The following H2BC5 variants were observed in gnomAD, a reference collection of about 807,000 sequenced individuals.
H2BC5 encodes histone H2B type 1-D.
A neutral mutation model predicts 5.7 loss-of-function variants in H2BC5; 9 were observed. The observed-to-expected ratio is 1.57, with a 90% CI of 0.95 to 2.74. H2BC5 has a LOEUF of 2.74. Among genes scored for constraint, H2BC5 ranks in the 30% most tolerant of loss-of-function variants. H2BC5 has a pLI of 0.00. For missense variants in H2BC5, 175 were observed against 168.8 expected, an observed-to-expected ratio of 1.04 and a Z score of -0.20; for synonymous variants, 133 against 70.9, an observed-to-expected ratio of 1.88 and a Z score of -4.40.
chr6:26,160,748 A>C (rs1270940548), downstream of H2BC5: 1 of 151,912 alleles, frequency 6.6e-6, no homozygotes, highest in Non-Finnish European at 1.5e-5. Context: ...GTGCGCCTTT[A>C]ATCCCAGCTA....
downstream of H2BC5, among the ~76,000 whole-genome samples, chr6:26,159,245 T>TG (rs1244854663): frequency 6.1e-5 from 3 of 48,928 alleles, no homozygotes; most frequent in Admixed American, 7.6e-4. Flanking sequence ...ATTTATAGGT[T>TG]TTTTTTTTTT....
At chr6:26,158,662 T>C (rs1764285259), downstream of H2BC5, 1 of 1,472,618 alleles carries the variant, frequency 6.8e-7, no homozygotes, top group African/African-American at 1.4e-5. Flanking sequence ...TTATTGGACT[T>C]AGCACCACAG....
chr6:26,163,437 C>T (rs1764378508), downstream of H2BC5: 2 of 152,094 alleles, frequency 1.3e-5, no homozygotes, highest in African/African-American at 4.8e-5. Flanking sequence ...GTCGGGAATC[C>T]AGAAGTGATT....
chr6:26,167,145 C>T (rs1241351083), intron 1 of H2BC5, among the ~76,000 whole-genome samples: 4 of 143,456 alleles, frequency 2.8e-5, no homozygotes, highest in South Asian at 2.2e-4. Flanking sequence ...AATTTAGGAC[C>T]GATGTATCTG....
Position 26,158,196 on chromosome 6 carries a change from TG to T in H2BC5, c.28del (p.Ala10ProfsTer10). 6.2e-7 allele frequency: 1 copy of T among 1,614,210 alleles called. No homozygotes were observed. Among genetic ancestry groups the T allele is most frequent in the Non-Finnish European group, 8.5e-7 (1 of 1,180,018 alleles). ...TGCCTGAACCTACCAAGTCTGCTCCTGCCCCAAAGAAGGGCTCCAAGAAGGC... is the reference window on the plus strand; with the variant it reads ...TGCCTGAACCTACCAAGTCTGCTCCTCCCCAAAGAAGGGCTCCAAGAAGGC... MPEPTKSAP[A>X]PKKGSKKAVT... On this transcript the variant is annotated frameshift_variant, in exon 1 of 1. Transcript: ENST00000377777. LOFTEE classifies it high-confidence loss of function.
exon 2 of H2BC5, chr6:26,171,242 T>A (rs987508634): frequency 6.6e-6 from 1 of 152,214 alleles, no homozygotes; most frequent in Non-Finnish European, 1.5e-5. Flanking sequence ...TTACTGGGAA[T>A]TCATTACTTG....
At chr6:26,168,584 A>C (rs1236486588) in intron 1 of H2BC5, among the ~76,000 whole-genome samples, 1 of 152,186 alleles carries the variant, frequency 6.6e-6, no homozygotes, top group African/African-American at 2.4e-5. Flanking sequence ...TGGATGTAAA[A>C]AGCATTTGTG....
downstream of H2BC5, among the ~76,000 whole-genome samples, chr6:26,162,281 T>G (rs928668891): frequency 6.6e-6 from 1 of 152,198 alleles, no homozygotes; most frequent in Non-Finnish European, 1.5e-5. Context: ...TGACTTGATT[T>G]TAATTGCATA....
downstream of H2BC5, among the ~76,000 whole-genome samples, chr6:26,160,147 C>G (rs1291993626): frequency 6.6e-6 from 1 of 152,210 alleles, no homozygotes; most frequent in East Asian, 1.9e-4. Flanking sequence ...TACAAGCCAT[C>G]GATGCTTACT....
At chr6:26,159,260 T>G (rs201922090), downstream of H2BC5, among the ~76,000 whole-genome samples, 14 of 142,252 alleles carry the variant, frequency 9.8e-5, no homozygotes, top group Admixed American at 2.8e-4. Flanking sequence ...TTTTTTTTTT[T>G]TTTTTTTTTT....
chr6:26,161,401 T>G (rs1475357395), downstream of H2BC5, among the ~76,000 whole-genome samples: 1 of 152,118 alleles, frequency 6.6e-6, no homozygotes, highest in East Asian at 1.9e-4. Flanking sequence ...CCGGTAGAAA[T>G]TTAATAAACT....
chr6:26,159,252 T>TTTTTTTG (rs1561968518), downstream of H2BC5, among the ~76,000 whole-genome samples: 3 of 137,832 alleles, frequency 2.2e-5, no homozygotes, highest in African/African-American at 8.3e-5. Flanking sequence ...GGTTTTTTTT[T>TTTTTTTG]TTTTTTTTTT....
At chr6:26,159,949 G>A (rs533249784), downstream of H2BC5, among the ~76,000 whole-genome samples, 3 of 152,308 alleles carry the variant, frequency 2.0e-5, no homozygotes, top group South Asian at 6.2e-4. Flanking sequence ...TCAACCCGTG[G>A]AAACTGACCA....
intron 1 of H2BC5, among the ~76,000 whole-genome samples, chr6:26,166,515 A>G (rs1254144987): frequency 2.0e-5 from 3 of 152,176 alleles, no homozygotes; most frequent in East Asian, 1.9e-4. Flanking sequence ...GGGGGCACAA[A>G]GAAGCCTTGG....
chr6:26,158,227 A>G lies in H2BC5; in HGVS notation c.58A>G (p.Thr20Ala). Residue 20 changes from threonine (T) to alanine (A), a missense_variant, in exon 1 of 1, where the codon ACT becomes GCT. Around this residue, in one of 4 missense-constraint regions of H2BC5, gnomAD observed 119 missense variants for 85.6 expected, o/e 1.39. Transcript: ENST00000377777. ...APKKGSKKAV[T>A]KAQKKDGKKR... The stretch of plus-strand genomic sequence containing the variant: ...AAAGAAGGGCTCCAAGAAGGCGGTG[A>G]CTAAGGCTCAGAAGAAGGACGGGAA... 6.2e-7 allele frequency: 1 copy of G among 1,614,268 alleles called. No individual in the cohort carries two copies. The highest frequency in any genetic ancestry group is 2.2e-5 in the East Asian group (1 of 44,886).
intron 1 of H2BC5, among the ~76,000 whole-genome samples, chr6:26,168,460 T>TAA (rs1018788679): frequency 7.0e-6 from 1 of 143,392 alleles, no homozygotes; most frequent in African/African-American, 2.6e-5. Flanking sequence ...CTCCATTTTT[T>TAA]AAAAAAAAAA....
intron 1 of H2BC5, chr6:26,164,326 T>C (rs920586141): frequency 1.2e-5 from 3 of 241,082 alleles, no homozygotes; most frequent in African/African-American, 7.0e-5. Context: ...ACACACAGAT[T>C]TGGGAAAGTG....
chr6:26,168,134 C>G (rs1561971059), intron 1 of H2BC5, among the ~76,000 whole-genome samples: 1 of 151,692 alleles, frequency 6.6e-6, no homozygotes, highest in Non-Finnish European at 1.5e-5. Context: ...TTATGCTTTC[C>G]TTTTCAATAC....
downstream of H2BC5, chr6:26,163,269 G>C (rs576163697): frequency 6.6e-6 from 1 of 151,766 alleles, no homozygotes. Context: ...ATGAGGCACC[G>C]CACCTGGCCC....
Sources: gnomAD v4.1 joint callset for allele counts (sites outside exome capture counted in the v4.1 genomes callset) on GRCh38, gnomAD v4.1.1 for gene constraint, gnomAD v4.1.1 regional missense constraint, MANE v1.5 for transcripts, NCBI Gene and HGNC (gene_info 2026-07-23, HGNC 2026-07-21) for gene names.